Variants in ABCG5 observed in about 807,000 individuals in gnomAD.
ABCG5 encodes ATP-binding cassette sub-family G member 5.
In ABCG5, 64 loss-of-function variants were observed where a neutral mutation model predicts 64.5. The ratio of observed to expected loss-of-function variants is 0.99; its 90% confidence interval spans 0.81 to 1.22. The LOEUF is 1.22. Ranked by LOEUF, ABCG5 falls within the 50% of genes most tolerant of loss-of-function variation. The pLI is 0.00. For synonymous variants in ABCG5, 385 were observed against 326.3 expected, an observed-to-expected ratio of 1.18 and a Z score of -1.94; for missense variants, 908 against 829.5, an observed-to-expected ratio of 1.09 and a Z score of -1.16.
At chr2:43,809,327 A>C (rs2104729135), downstream of ABCG5, among the ~76,000 whole-genome samples, 1 of 152,284 alleles carries the variant, frequency 6.6e-6, no homozygotes, top group South Asian at 2.1e-4. Flanking sequence ...GCTAACTTCA[A>C]CCAAGTTTTT....
chr2:43,812,986 G>A lies in ABCG5; in HGVS notation c.*130C>T, dbSNP rs1666560625. The stretch of plus-strand genomic sequence containing the variant: ...CTGCTTGGATCCAAGAGGCACAAAT[G>A]GAGTCTTAATGGTTAAAAGACTTGA... On this transcript the variant is annotated 3_prime_UTR_variant, in exon 13 of 13. Transcript: ENST00000405322. 2 of 692,746 alleles carry A rather than the reference G, an allele frequency of 2.9e-6. No individual in the cohort carries two copies. Among genetic ancestry groups the A allele is most frequent in the East Asian group, 2.7e-5 (1 of 36,922 alleles). 42.9% of individuals were successfully genotyped at this position (692,746 alleles called of 1,614,324 possible).
At chr2:43,835,183 C>A (rs912974689) in intron 2 of ABCG5, among the ~76,000 whole-genome samples, 1 of 151,150 alleles carries the variant, frequency 6.6e-6, no homozygotes, top group Non-Finnish European at 1.5e-5. Context: ...AGCCCACTCC[C>A]CCACCCCAAT....
upstream of ABCG5, chr2:43,839,102 C>T (rs1668464670): frequency 6.4e-7 from 1 of 1,551,234 alleles, no homozygotes; most frequent in African/African-American, 1.4e-5. Flanking sequence ...AGGGGCCACT[C>T]CCCAGGATAC....
Position 43,827,974 on chromosome 2 carries a change from G to T in ABCG5, c.634+9C>A. The T allele has an allele frequency of 1.2e-6, 2 of 1,613,888 alleles. No individual in the cohort carries two copies. Among genetic ancestry groups the T allele is most frequent in the South Asian group, 1.1e-5 (1 of 91,036 alleles). ...ACAGCAGCTAGTAACAGTTCTGGGT[G>T]CCACTTACTAGGATCCTGGAGCAGC... On this transcript the variant is annotated intron_variant, in intron 5 of 12. Coordinates refer to ENST00000405322, the MANE Select transcript of ABCG5 (RefSeq NM_022436.3).
At chr2:43,823,833 G>T in intron 9 of ABCG5, 80 bp downstream of exon 9, 1 of 1,516,380 alleles carries the variant, frequency 6.6e-7, no homozygotes, top group South Asian at 1.2e-5. Flanking sequence ...CCTTATAATG[G>T]TAGACTTTTG....
At chr2:43,820,717 G>T (rs1667136506) in intron 10 of ABCG5, among the ~76,000 whole-genome samples, 1 of 152,172 alleles carries the variant, frequency 6.6e-6, no homozygotes, top group South Asian at 2.1e-4. Flanking sequence ...GCAGTGGCGT[G>T]ATCTTGGCTC....
chr2:43,806,366 TG>T, the ABCG5 span, among the ~76,000 whole-genome samples: 1 of 152,316 alleles, frequency 6.6e-6, no homozygotes, highest in Admixed American at 6.5e-5. Flanking sequence ...AGCTGTCAGC[TG>T]GGAGTAGGAG....
At chr2:43,836,552 C>T (rs1015323745) in intron 2 of ABCG5, among the ~76,000 whole-genome samples, 5 of 152,198 alleles carry the variant, frequency 3.3e-5, no homozygotes, top group Admixed American at 3.3e-4. Context: ...CACAGAACCC[C>T]TCTTCAGGGC....
Position 43,812,971 on chromosome 2 carries a change from C to A in ABCG5, c.*145G>T. On this transcript the variant is annotated 3_prime_UTR_variant, in exon 13 of 13. Transcript: ENST00000405322. The stretch of plus-strand genomic sequence containing the variant: ...CATTGCATTCAAGGCCTGCTTGGAT[C>A]CAAGAGGCACAAATGGAGTCTTAAT... 2 of 672,548 alleles carry A rather than the reference C, an allele frequency of 3.0e-6. No homozygotes were observed. The highest frequency in any genetic ancestry group is 1.8e-5 in the African/African-American group (1 of 55,984). 41.7% of individuals were successfully genotyped at this position (672,548 alleles called of 1,614,324 possible). A position where few individuals can be genotyped will look rare whatever the true frequency, so the allele number is the denominator to read the frequency against.
At chr2:43,812,084 T>A (rs1017409612), downstream of ABCG5, among the ~76,000 whole-genome samples, 1 of 151,318 alleles carries the variant, frequency 6.6e-6, no homozygotes, top group African/African-American at 2.4e-5. Flanking sequence ...TTGCTCTGTC[T>A]CTGTTGCCCA....
In ABCG5 at chr2:43,812,825, G is replaced by T; in HGVS notation, c.*291C>A. ...GTGCCTAGAACAAGGAAAAAAAATA[G>T]TCACACGAGTCTCCCATAGGTTTAT... On this transcript the variant is annotated 3_prime_UTR_variant, in exon 13 of 13. Transcript: ENST00000405322. 1 of 354,468 alleles carries T rather than the reference G, an allele frequency of 2.8e-6. No individual in the cohort carries two copies. Among genetic ancestry groups the T allele is most frequent in the Non-Finnish European group, 5.2e-6 (1 of 192,614 alleles). The allele number at this position is 354,468 out of a possible 1,614,324, so 22.0% of individuals were successfully genotyped here.
chr2:43,834,213 G>C (rs538637464), intron 2 of ABCG5, among the ~76,000 whole-genome samples: 15 of 152,352 alleles, frequency 9.8e-5, no homozygotes, highest in African/African-American at 3.4e-4. Flanking sequence ...TAATTTCCCA[G>C]TCGTGTGGTT....
chr2:43,831,185 T>C (rs1667925430), intron 4 of ABCG5, among the ~76,000 whole-genome samples: 1 of 152,204 alleles, frequency 6.6e-6, no homozygotes, highest in Non-Finnish European at 1.5e-5. Context: ...ATTTATTTGG[T>C]TGGGAGAGAC....
At chr2:43,806,381 G>C in the ABCG5 span, among the ~76,000 whole-genome samples, 3 of 152,192 alleles carry the variant, frequency 2.0e-5, no homozygotes. Flanking sequence ...GTAGGAGCCA[G>C]GGTTTTTTTC....
Position 43,838,504 on chromosome 2 carries a change from G to A in ABCG5, c.143+33C>T, listed in dbSNP as rs1386799104. 3.2e-6 allele frequency: 5 copies of A among 1,575,292 alleles called. No individual in the cohort carries two copies. In the Admixed American group the frequency reaches 7.3e-5, roughly 23 times the overall value. On this transcript the variant is annotated intron_variant, in intron 1 of 12. Transcript: ENST00000405322. This position sits in a 1 kb window ranked among gnomAD's most constrained non-coding sequence, Gnocchi z 4.2. ...GGTGAGCGCCGGGCCCCGCACTCCT[G>A]GGGGAGCAGCAGCAGCAAGGGCTCT...
Position 43,836,718 on chromosome 2 carries a change from C to T in ABCG5, c.265+1116G>A, listed in dbSNP as rs1172046738. ...GCTGATGCAGGGGCACAAACACCGA[C>T]TGTAGGCTCAAATGCAGCTACCCTG... On this transcript the variant is annotated intron_variant, in intron 2 of 12. Transcript: ENST00000405322. Among the ~76,000 whole-genome samples the T allele has an allele frequency of 2.6e-5, 4 of 152,128 alleles. No homozygotes were observed. The South Asian group carries it at 8.3e-4, about 32-fold the overall frequency.
At chr2:43,822,000 T>C (rs907549660) in intron 10 of ABCG5, among the ~76,000 whole-genome samples, 17 of 152,300 alleles carry the variant, frequency 1.1e-4, no homozygotes, top group East Asian at 7.7e-4. Context: ...CTTTGACTTA[T>C]CCAAATTTTG....
In ABCG5 at chr2:43,828,032, C is replaced by A. The variant is rs1421414711; in HGVS notation, c.585G>T (p.Thr195=). 1.9e-6 allele frequency: 3 copies of A among 1,614,140 alleles called. No individual in the cohort carries two copies. Among genetic ancestry groups the A allele is most frequent in the African/African-American group, 1.3e-5 (1 of 75,034 alleles). ...IGNYSLGGIS[T]GERRRVSIAA... is the part of the protein sequence containing the mutation. ...CGATGGAGACCCGGCGCCGCTCACC[C>A]GTGGAAATGCCCCCCAAGCTGTAGT... Residue 195 remains threonine (T), a synonymous_variant, in exon 5 of 13, where the codon ACG becomes ACT. Coordinates refer to ENST00000405322, the MANE Select transcript of ABCG5 (RefSeq NM_022436.3).
downstream of ABCG5, among the ~76,000 whole-genome samples, chr2:43,807,860 C>G (rs1666326677): frequency 6.8e-6 from 1 of 147,422 alleles, no homozygotes; most frequent in Non-Finnish European, 1.5e-5. Flanking sequence ...TTTAAAACAT[C>G]AATGCATTAT....
Sources: gnomAD v4.1 joint callset for allele counts (sites outside exome capture counted in the v4.1 genomes callset) on GRCh38, gnomAD v4.1.1 for gene constraint, Gnocchi (gnomAD v3.1) non-coding constraint, MANE v1.5 for transcripts, NCBI Gene and HGNC (gene_info 2026-07-23, HGNC 2026-07-21) for gene names.